The following RFXAP variants were observed in gnomAD, a reference collection of about 807,000 sequenced individuals.
The protein encoded by RFXAP is regulatory factor X associated protein.
A neutral mutation model predicts 25.7 loss-of-function variants in RFXAP; 21 were observed. The observed-to-expected ratio is 0.82, with a 90% CI of 0.58 to 1.18. RFXAP has a LOEUF of 1.18. RFXAP is among the 50% of genes most tolerant of loss of function. The pLI is 0.00. For synonymous variants in RFXAP, 161 were observed against 152.2 expected (o/e 1.06, Z -0.43); for missense variants, 333 against 363.0 (o/e 0.92, Z 0.67).
At position 36,826,143 on chromosome 13, in the gene RFXAP, A is replaced by C. The variant is rs547159775; in HGVS notation, c.708+608A>C. 3.9e-5 allele frequency among the ~76,000 whole-genome samples: 6 copies of C among 152,330 alleles called. No homozygotes were observed. The South Asian group carries it at 1.0e-3, about 26-fold the overall frequency. Reference sequence around the variant, plus strand: ...AGCTATGATCATACCACTGTACTCCAGCCTAGGCAACAGAGCACCCTATAA... The same window carrying C: ...AGCTATGATCATACCACTGTACTCCCGCCTAGGCAACAGAGCACCCTATAA... On this transcript the variant is annotated intron_variant, in intron 2 of 2. Transcript: ENST00000255476.
chr13:36,819,952 C>G lies in RFXAP; in HGVS notation c.595C>G (p.Leu199Val). The G allele has an allele frequency of 6.2e-7, 1 of 1,613,800 alleles. No homozygotes were observed. ...ASTGSAGNVK[L>V]EESADNILSI... ...GACTGGCAGCGCGGGAAACGTCAAA[C>G]TCGAGGTATCAGACTTAGCTGAGGC... is the stretch of plus-strand genomic sequence containing the variant. The change falls in exon 1 of 3, where the codon CTC becomes GTC. Residue 199 changes from leucine to valine, a missense_variant. Leu to Val is a conservative substitution (Grantham distance 32, BLOSUM62 1). Coordinates refer to ENST00000255476, the MANE Select transcript of RFXAP (RefSeq NM_000538.4).
At position 36,828,067 on chromosome 13, in the gene RFXAP, G is replaced by A. The variant is rs1051994503; in HGVS notation, c.*314G>A. The A allele has an allele frequency of 3.2e-6, 1 of 310,024 alleles. No individual in the cohort carries two copies. Among genetic ancestry groups the A allele is most frequent in the African/African-American group, 2.2e-5 (1 of 45,434 alleles). The allele number at this position is 310,024 out of a possible 1,614,324, so 19.2% of individuals were successfully genotyped here. Reference sequence around the variant, plus strand: ...AGTTACTTTCTGTGGAAGTCATAAAGTTAATAGATATTAATCTTGACTCAT... The same window carrying A: ...AGTTACTTTCTGTGGAAGTCATAAAATTAATAGATATTAATCTTGACTCAT... On this transcript the variant is annotated 3_prime_UTR_variant, in exon 3 of 3. Transcript: ENST00000255476.
chr13:36,825,587 T>C (rs750580223), intron 2 of RFXAP, 52 bp downstream of exon 2: 2 of 1,315,468 alleles, frequency 1.5e-6, no homozygotes, highest in South Asian at 2.4e-5. Flanking sequence ...ACGTTTGTTA[T>C]AAATGGAACA....
In RFXAP at chr13:36,825,578, C is replaced by T. The variant is rs184532949; in HGVS notation, c.708+43C>T. On this transcript the variant is annotated intron_variant, in intron 2 of 2. Coordinates refer to ENST00000255476, the MANE Select transcript of RFXAP (RefSeq NM_000538.4). ...AATCAGTTATAAATGTGTTAACAAACGTTTGTTATAAATGGAACAATTGAG... is the reference window on the plus strand; with the variant it reads ...AATCAGTTATAAATGTGTTAACAAATGTTTGTTATAAATGGAACAATTGAG... 1.4e-5 allele frequency: 19 copies of T among 1,392,738 alleles called. No homozygotes were observed. The East Asian group carries it at 2.3e-4, about 17-fold the overall frequency. The allele number at this position is 1,392,738 out of a possible 1,614,324, so 86.3% of individuals were successfully genotyped here.
intron 2 of RFXAP, among the ~76,000 whole-genome samples, chr13:36,827,053 G>A (rs1481561188): frequency 6.6e-6 from 1 of 152,076 alleles, no homozygotes; most frequent in Admixed American, 6.6e-5. Flanking sequence ...ATATTTTAAA[G>A]TGATGAGTGT....
At chr13:36,827,600 C>A in intron 2 of RFXAP, 43 bp from the exon 3 acceptor site, 1 of 1,332,838 alleles carries the variant, frequency 7.5e-7, no homozygotes, top group Non-Finnish European at 1.1e-6. Flanking sequence ...AGTCTAATGA[C>A]ATAGATTAAT....
chr13:36,820,493 AC>A (rs146574145), intron 1 of RFXAP, among the ~76,000 whole-genome samples: 1,770 of 152,136 alleles, frequency 0.012, 30 homozygotes, highest in African/African-American at 0.04. Flanking sequence ...TGTCTGTAGT[AC>A]CCCTGTACGT....
At chr13:36,821,288 A>G (rs2138214300) in intron 1 of RFXAP, among the ~76,000 whole-genome samples, 1 of 151,704 alleles carries the variant, frequency 6.6e-6, no homozygotes, top group Admixed American at 6.6e-5. Context: ...ATGTATTCTA[A>G]GTCTTTAAAT....
chr13:36,821,013 A>G (rs1041826134), intron 1 of RFXAP, among the ~76,000 whole-genome samples: 1 of 152,136 alleles, frequency 6.6e-6, no homozygotes, highest in Non-Finnish European at 1.5e-5. Flanking sequence ...TGTGAGAGCT[A>G]TATAATCCCT....
Position 36,827,647 on chromosome 13 carries a change from T to C in RFXAP, c.713T>C (p.Leu238Ser), listed in dbSNP as rs1366001713. ...TTTTTTTCTTTTCTTTCTAAGTCGT[T>C]ACTAAGAAGTCCAGAAGTAGTGCAA... The part of the protein sequence containing the change: ...EQVLNQKRLS[L>S]LRSPEVVQFL... Residue 238 changes from leucine (L) to serine (S), a missense_variant, in exon 3 of 3, where the codon TTA becomes TCA. Coordinates refer to ENST00000255476, the MANE Select transcript of RFXAP (RefSeq NM_000538.4). 4 of 1,611,374 alleles carry C rather than the reference T, an allele frequency of 2.5e-6. No homozygotes were observed. Among genetic ancestry groups the C allele is most frequent in the Non-Finnish European group, 3.4e-6 (4 of 1,177,684 alleles).
intron 1 of RFXAP, among the ~76,000 whole-genome samples, chr13:36,823,374 T>A (rs1354719865): frequency 6.6e-6 from 1 of 152,052 alleles, no homozygotes; most frequent in African/African-American, 2.4e-5. Context: ...GAGTGGAAAA[T>A]TCATGAGAGA....
In RFXAP at chr13:36,819,540, C is replaced by CG; in HGVS notation, c.188dup (p.Ser64GlnfsTer9). The stretch of plus-strand genomic sequence containing the variant: ...CTGGGCAGGACGAGGCTGCGGCCCC[C>CG]GGGGGCAGCGTTGGGGCGGGCAAGC... On this transcript the variant is annotated frameshift_variant, in exon 1 of 3. Coordinates refer to ENST00000255476, the MANE Select transcript of RFXAP (RefSeq NM_000538.4). LOFTEE classifies it high-confidence loss of function. The CG allele has an allele frequency of 1.3e-6, 2 of 1,522,268 alleles. No homozygotes were observed. The highest frequency in any genetic ancestry group is 8.8e-7 in the Non-Finnish European group (1 of 1,133,022). The allele number at this position is 1,522,268 out of a possible 1,614,324, so 94.3% of individuals were successfully genotyped here.
intron 1 of RFXAP, among the ~76,000 whole-genome samples, chr13:36,822,741 A>G (rs1448360983): frequency 2.0e-5 from 3 of 152,180 alleles, no homozygotes; most frequent in African/African-American, 2.4e-5. Flanking sequence ...ATTAATTGCT[A>G]TAAGCAACAA....
At chr13:36,825,819 G>C (rs1328089843) in intron 2 of RFXAP, among the ~76,000 whole-genome samples, 2 of 152,040 alleles carry the variant, frequency 1.3e-5, no homozygotes, top group African/African-American at 4.8e-5. Context: ...CAATGACCTA[G>C]AGCAAAAATA....
intron 1 of RFXAP, 64 bp downstream of exon 1, chr13:36,820,021 C>G: frequency 1.3e-6 from 2 of 1,583,236 alleles, no homozygotes; most frequent in East Asian, 2.3e-5. Context: ...TTAACGCAAA[C>G]CGCATCTGCA....
At position 36,819,432 on chromosome 13, in the gene RFXAP, C is replaced by A. The variant is rs899740719; in HGVS notation, c.75C>A (p.Ala25=). The change falls in exon 1 of 3, where the codon GCC becomes GCA. Residue 25 remains alanine, a synonymous_variant. Coordinates refer to ENST00000255476, the MANE Select transcript of RFXAP (RefSeq NM_000538.4). The part of the protein sequence containing the change: ...ASGVPHPAAL[A]PAAAPTLAPA... ...GCGTGCCCCACCCCGCGGCCCTAGC[C>A]CCGGCTGCGGCTCCCACCTTGGCGC... 2 of 1,446,562 alleles carry A rather than the reference C, an allele frequency of 1.4e-6. No individual in the cohort carries two copies. The highest frequency in any genetic ancestry group is 1.5e-5 in the South Asian group (1 of 67,198). The allele number at this position is 1,446,562 out of a possible 1,614,324, so 89.6% of individuals were successfully genotyped here.
In RFXAP at chr13:36,828,488, T is replaced by G. The variant is rs2057985516; in HGVS notation, c.*735T>G. On this transcript the variant is annotated 3_prime_UTR_variant, in exon 3 of 3. Transcript: ENST00000255476. ...TTAACTAAGCACACTGGGATGTGTC[T>G]CCTACAGTTGGCTTCTCTCTTTGAT... is the stretch of plus-strand genomic sequence containing the variant. 6.6e-6 allele frequency: 1 copy of G among 152,344 alleles called. No individual in the cohort carries two copies. The highest frequency in any genetic ancestry group is 2.4e-5 in the African/African-American group (1 of 41,466). The allele number at this position is 152,344 out of a possible 1,614,324, so 9.4% of individuals were successfully genotyped here.
chr13:36,825,348 C>G, intron 1 of RFXAP, 80 bp from the exon 2 acceptor site: 1 of 1,058,852 alleles, frequency 9.4e-7, no homozygotes, highest in South Asian at 1.3e-5. Flanking sequence ...AAGACCTGTT[C>G]ATTACATCTT....
intron 1 of RFXAP, among the ~76,000 whole-genome samples, chr13:36,824,230 T>C (rs573170083): frequency 3.3e-4 from 51 of 152,254 alleles, no homozygotes; most frequent in Middle Eastern, 3.4e-3. Context: ...ATTTCAGCAT[T>C]CCATTATCTT....
Sources: allele counts gnomAD v4.1 joint callset (sites outside exome capture counted in the v4.1 genomes callset), GRCh38; gene constraint gnomAD v4.1.1; transcripts MANE v1.5; gene names NCBI Gene and HGNC (gene_info 2026-07-23, HGNC 2026-07-21).